The following ZFPM2 variants were observed in gnomAD, a reference collection of about 807,000 sequenced individuals.
ZFPM2 encodes the protein zinc finger protein, FOG family member 2, also known as zinc finger protein ZFPM2.
In ZFPM2, 20 loss-of-function variants were observed where a neutral mutation model predicts 98.6. The ratio of observed to expected loss-of-function variants is 0.20; its 90% CI spans 0.14 to 0.29. The LOEUF is 0.29. ZFPM2 is among the 10% of genes least tolerant of loss of function. The pLI, the probability that ZFPM2 is intolerant of heterozygous loss-of-function variation, is 1.00. For synonymous variants in ZFPM2, 518 were observed against 502.7 expected (o/e 1.03, Z -0.41); for missense variants, 1,310 against 1,388.6 (o/e 0.94, Z 0.90).
At chr8:105,417,175 C>T (rs1417591092) in intron 1 of ZFPM2, among the ~76,000 whole-genome samples, 2 of 152,032 alleles carry the variant, frequency 1.3e-5, no homozygotes, top group Non-Finnish European at 2.9e-5. Context: ...CTTAAATTTT[C>T]ACATTAGCGT....
At chr8:105,638,708 T>G in intron 5 of ZFPM2, among the ~76,000 whole-genome samples, 1 of 152,094 alleles carries the variant, frequency 6.6e-6, no homozygotes, top group East Asian at 1.9e-4. Flanking sequence ...CTAGGAGGCA[T>G]GCTTGCTTCC....
intron 3 of ZFPM2, among the ~76,000 whole-genome samples, chr8:105,461,110 AT>A (rs541265559): frequency 6.4e-4 from 98 of 152,196 alleles, no homozygotes; most frequent in African/African-American, 2.2e-3. Context: ...GAAATAAATT[AT>A]TTTAGGAACT....
chr8:105,778,099 AC>A (rs1813148150), intron 5 of ZFPM2, among the ~76,000 whole-genome samples: 1 of 152,194 alleles, frequency 6.6e-6, no homozygotes, highest in South Asian at 2.1e-4. Flanking sequence ...AAGAAGGGGC[AC>A]CCATAATTTA....
rs1812847865 is a variant in ZFPM2 at position 105,469,054 on chromosome 8, A to C, written c.301+24673A>C. 4.6e-5 allele frequency among the ~76,000 whole-genome samples: 7 copies of C among 152,074 alleles called. No individual in the cohort carries two copies. The South Asian group carries it at 1.4e-3, about 31-fold the overall frequency. On this transcript the variant is annotated intron_variant, in intron 3 of 7. Coordinates refer to ENST00000407775, the MANE Select transcript of ZFPM2 (RefSeq NM_012082.4). ...CCCATAGGGGGAAAAGTGATGGGGCAGCCCAGAGAGCTCTTCAGAGCACAC... is the reference window on the plus strand; with the variant it reads ...CCCATAGGGGGAAAAGTGATGGGGCCGCCCAGAGAGCTCTTCAGAGCACAC...
intron 1 of ZFPM2, among the ~76,000 whole-genome samples, chr8:105,386,794 G>A (rs1810999639): frequency 6.6e-6 from 1 of 152,152 alleles, no homozygotes; most frequent in African/African-American, 2.4e-5. Context: ...CGTTTTGACA[G>A]GGTGCTGATT....
chr8:105,483,650 C>A (rs1173197173), intron 3 of ZFPM2, among the ~76,000 whole-genome samples: 1 of 150,986 alleles, frequency 6.6e-6, no homozygotes, highest in African/African-American at 2.4e-5. Flanking sequence ...AGATATAATT[C>A]TATTATTTTC....
intron 3 of ZFPM2, among the ~76,000 whole-genome samples, chr8:105,548,989 A>G (rs748294231): frequency 3.3e-5 from 5 of 152,316 alleles, no homozygotes; most frequent in Non-Finnish European, 7.4e-5. Context: ...AGTCCTGGGA[A>G]TAGTACTGTC....
Position 105,726,216 on chromosome 8 carries a change from T to C in ZFPM2, c.533-62502T>C, listed in dbSNP as rs564202587. Among the ~76,000 whole-genome samples the C allele has an allele frequency of 1.6e-3, 241 of 151,750 alleles. 1 individual carries two copies. The highest frequency in any genetic ancestry group is 7.5e-3 in the South Asian group (36 of 4,812). On this transcript the variant is annotated intron_variant, in intron 5 of 7. Transcript: ENST00000407775. ...TTCTGTTTTTGCATGAGTATTTTAA[T>C]AAGAATTATTTGGAGAGGCTAAAGT...
At chr8:105,586,017 G>A (rs1260618843) in intron 4 of ZFPM2, among the ~76,000 whole-genome samples, 1 of 151,060 alleles carries the variant, frequency 6.6e-6, no homozygotes, top group Non-Finnish European at 1.5e-5. Flanking sequence ...GTGTGTGTGT[G>A]TGTGTGTGTG....
intron 1 of ZFPM2, among the ~76,000 whole-genome samples, chr8:105,356,312 T>G (rs1812745344): frequency 6.6e-6 from 1 of 152,246 alleles, no homozygotes; most frequent in Non-Finnish European, 1.5e-5. Flanking sequence ...AGTTGTCAGC[T>G]GACCTCTTCT....
chr8:105,634,173 T>G, intron 4 of ZFPM2, 73 bp from the exon 5 acceptor site: 1 of 1,080,274 alleles, frequency 9.3e-7, no homozygotes, highest in African/African-American at 1.6e-5. Context: ...AATAAAATGA[T>G]TAGTACAGTT....
chr8:105,363,082 T>G (rs1810438856), intron 1 of ZFPM2, among the ~76,000 whole-genome samples: 1 of 152,150 alleles, frequency 6.6e-6, no homozygotes, highest in African/African-American at 2.4e-5. Context: ...GTATCCCCAC[T>G]CACCTTTACA....
chr8:105,692,521 A>T (rs926439805), intron 5 of ZFPM2, among the ~76,000 whole-genome samples: 4 of 152,130 alleles, frequency 2.6e-5, no homozygotes, highest in African/African-American at 4.8e-5. Flanking sequence ...TGGGATGTTC[A>T]TAAGTATGTA....
chr8:105,355,319 A>G (rs765010093), intron 1 of ZFPM2, among the ~76,000 whole-genome samples: 7 of 152,180 alleles, frequency 4.6e-5, no homozygotes, highest in African/African-American at 1.4e-4. Flanking sequence ...CTGTCATACT[A>G]TGCTAAGGAG....
chr8:105,404,332 AT>A (rs1237425157), intron 1 of ZFPM2, among the ~76,000 whole-genome samples: 1 of 151,890 alleles, frequency 6.6e-6, no homozygotes. Flanking sequence ...CTATTTTAGA[AT>A]TTTTTTCATT....
chr8:105,728,707 A>G (rs550507707), intron 5 of ZFPM2, among the ~76,000 whole-genome samples: 1 of 151,906 alleles, frequency 6.6e-6, no homozygotes, highest in Non-Finnish European at 1.5e-5. Context: ...CTTCTTGCAT[A>G]ATTCATTCAT....
At chr8:105,393,083 G>T (rs1811139590) in intron 1 of ZFPM2, among the ~76,000 whole-genome samples, 1 of 152,146 alleles carries the variant, frequency 6.6e-6, no homozygotes, top group African/African-American at 2.4e-5. Flanking sequence ...GAGATAAACT[G>T]TGGTGCTTTC....
At chr8:105,513,863 G>A in intron 3 of ZFPM2, among the ~76,000 whole-genome samples, 1 of 152,272 alleles carries the variant, frequency 6.6e-6, no homozygotes, top group East Asian at 1.9e-4. Flanking sequence ...TGGAATACAT[G>A]ATTCACTTCA....
chr8:105,578,138 G>A (rs139866765), intron 4 of ZFPM2, among the ~76,000 whole-genome samples: 2,101 of 152,074 alleles, frequency 0.014, 27 homozygotes, highest in South Asian at 0.016. Context: ...TCTTTTGATT[G>A]TTATTTTTGT....
Sources: allele counts gnomAD v4.1 joint callset (sites outside exome capture counted in the v4.1 genomes callset), GRCh38; gene constraint gnomAD v4.1.1; transcripts MANE v1.5; gene names NCBI Gene and HGNC (gene_info 2026-07-23, HGNC 2026-07-21).